The following SP1 variants were observed in gnomAD, a reference collection of about 807,000 sequenced individuals.
SP1 encodes the protein Sp1 transcription factor.
Under a neutral mutation model 66.3 loss-of-function variants are expected in SP1, and 6 were observed. That is an observed-to-expected ratio of 0.09 (90% confidence interval 0.05 to 0.18). The LOEUF is 0.18. Among genes scored for constraint, SP1 ranks in the 10% least tolerant of loss-of-function variants. The probability of loss-of-function intolerance (pLI) is 1.00; values close to 1 mark genes in which losing one functional copy is unlikely to be tolerated. For missense variants in SP1, 848 were observed against 964.5 expected (o/e 0.88, Z 1.60); for synonymous variants, 417 against 360.8 (o/e 1.16, Z -1.77).
chr12:53,382,527 G>A lies in SP1; in HGVS notation c.580G>A (p.Ala194Thr), dbSNP rs773154337. The A allele has an allele frequency of 8.7e-6, 14 of 1,614,012 alleles. No homozygotes were observed. Among genetic ancestry groups the A allele is most frequent in the Non-Finnish European group, 1.2e-5 (14 of 1,180,010 alleles). Residue 194 changes from alanine to threonine, a missense_variant, in exon 3 of 6, where the codon GCC (alanine) becomes ACC (threonine). Physicochemically the swap from Ala to Thr is moderately conservative, Grantham distance 58. Coordinates refer to ENST00000327443, the MANE Select transcript of SP1 (RefSeq NM_138473.3). Reference protein sequence around the residue: ...GQQLQFAATGAQVQQDGSGQI... With the variant: ...GQQLQFAATGTQVQQDGSGQI... ...ACAGCTGCAGTTTGCTGCCACTGGGGCCCAAGTGCAGCAGGATGGTTCTGG... is the reference window on the plus strand; with the variant it reads ...ACAGCTGCAGTTTGCTGCCACTGGGACCCAAGTGCAGCAGGATGGTTCTGG...
chr12:53,399,144 A>C (rs1421132400), intron 3 of SP1, among the ~76,000 whole-genome samples: 2 of 152,208 alleles, frequency 1.3e-5, no homozygotes, highest in Non-Finnish European at 2.9e-5. Flanking sequence ...AATTACTAGA[A>C]TTAACTTAAC....
rs1355695083 is a variant in SP1 at position 53,396,120 on chromosome 12, C to CA, written c.1676-10454dup. The stretch of plus-strand genomic sequence containing the variant: ...GGGCGACAGAGTGAGACTCTTGTCT[C>CA]AAAAAAAAAAATTAGCCGGGTGTGG... On this transcript the variant is annotated intron_variant, in intron 3 of 5. Coordinates refer to ENST00000327443, the MANE Select transcript of SP1 (RefSeq NM_138473.3). 2.3e-4 allele frequency among the ~76,000 whole-genome samples: 32 copies of CA among 136,996 alleles called. 1 individual carries two copies. The highest frequency in any genetic ancestry group is 5.8e-4 in the Admixed American group (8 of 13,732). 89.9% of individuals were successfully genotyped at this position (136,996 alleles called of 152,430 possible).
chr12:53,407,767 G>A (rs1207163007), intron 4 of SP1, among the ~76,000 whole-genome samples: 1 of 151,746 alleles, frequency 6.6e-6, no homozygotes, highest in African/African-American at 2.4e-5. Context: ...CTCCCTAGTA[G>A]CTGGGACTAC....
intron 3 of SP1, among the ~76,000 whole-genome samples, chr12:53,394,751 ACTACAGGCG>A: frequency 6.6e-6 from 1 of 150,956 alleles, no homozygotes; most frequent in Non-Finnish European, 1.5e-5. Flanking sequence ...AGTAGCTGGG[ACTACAGGCG>A]CCTGCCACCA....
At chr12:53,410,663 G>A (rs530476202) in intron 5 of SP1, among the ~76,000 whole-genome samples, 151 of 151,946 alleles carry the variant, frequency 9.9e-4, no homozygotes, top group African/African-American at 3.3e-3. Context: ...CCGCCACCAC[G>A]CCCGGCTAAT....
intron 1 of SP1, chr12:53,381,250 C>G (rs1938090483): frequency 6.4e-6 from 1 of 156,340 alleles, no homozygotes; most frequent in African/African-American, 2.4e-5. Context: ...CCGCGCCTGG[C>G]CTCTCCATCT....
Position 53,380,951 on chromosome 12 carries a change from T to TTC in SP1, c.7+654_7+655insCT, listed in dbSNP as rs1358431671. ...ACACTTGGATTTTTGTTTGTCTTTT[T>TTC]TTTTTTTTTTTTTTTTGAGACGGAG... On this transcript the variant is annotated intron_variant, in intron 1 of 5. Coordinates refer to ENST00000327443, the MANE Select transcript of SP1 (RefSeq NM_138473.3). Among the ~76,000 whole-genome samples the TTC allele has an allele frequency of 1.0e-4, 14 of 139,816 alleles. 1 individual carries two copies. The highest frequency in any genetic ancestry group is 2.2e-4 in the African/African-American group (8 of 36,542). The allele number at this position is 139,816 out of a possible 152,430, so 91.7% of individuals were successfully genotyped here.
rs534612894 is a variant in SP1, at chr12:53,390,586, G to A, written c.1675+6964G>A. On this transcript the variant is annotated intron_variant, in intron 3 of 5. Coordinates refer to ENST00000327443, the MANE Select transcript of SP1 (RefSeq NM_138473.3). ...TAGTCCCAGCTAGTCAGGAGGATGA[G>A]GCAGGAGAATTGCTTGAACCCTGGA... 2.6e-5 allele frequency among the ~76,000 whole-genome samples: 4 copies of A among 152,246 alleles called. No homozygotes were observed. In the South Asian group the frequency reaches 8.3e-4, roughly 32 times the overall value.
intron 3 of SP1, among the ~76,000 whole-genome samples, chr12:53,401,551 G>T (rs904862767): frequency 6.6e-6 from 1 of 151,176 alleles, no homozygotes; most frequent in African/African-American, 2.4e-5. Flanking sequence ...GATGTAAACT[G>T]CAGAGTCAAG....
In SP1 at chr12:53,381,710, G is replaced by A. The variant is rs536053144; in HGVS notation, c.59G>A (p.Gly20Glu). 2.7e-5 allele frequency: 43 copies of A among 1,613,954 alleles called. No homozygotes were observed. The highest frequency in any genetic ancestry group is 3.6e-5 in the Non-Finnish European group (43 of 1,179,980). ...ACAGCTGTGGTGAAAATTGAAAAAG[G>A]AGTTGGTGGCAATAATGGGGGCAAT... is the stretch of plus-strand genomic sequence containing the variant. ...EMTAVVKIEK[G>E]VGGNNGGNGN... Residue 20 changes from glycine to glutamate, a missense_variant, in exon 2 of 6, where the codon GGA (glycine) becomes GAA (glutamate). By Grantham distance (98) the Gly-to-Glu change is moderately conservative. Coordinates refer to ENST00000327443, the MANE Select transcript of SP1 (RefSeq NM_138473.3).
intron 3 of SP1, among the ~76,000 whole-genome samples, chr12:53,394,743 T>C (rs1938443279): frequency 6.6e-6 from 1 of 150,862 alleles, no homozygotes; most frequent in African/African-American, 2.4e-5. Context: ...GCCTCCCGAG[T>C]AGCTGGGACT....
chr12:53,409,354 A>G lies in SP1; in HGVS notation c.1845-8A>G, dbSNP rs1334081768. 2.5e-6 allele frequency: 4 copies of G among 1,611,988 alleles called. No homozygotes were observed. In the South Asian group the frequency reaches 4.4e-5, roughly 18 times the overall value. On this transcript the variant is annotated splice_polypyrimidine_tract_variant and splice_region_variant and intron_variant, in intron 4 of 5. Transcript: ENST00000327443. ...ATGAATGATTAACAGTTGTGTCCTC[A>G]CTTTCAGGGGCTCGGGGGATCCTGG...
chr12:53,406,803 T>C, intron 4 of SP1, 50 bp downstream of exon 4: 1 of 1,498,648 alleles, frequency 6.7e-7, no homozygotes, highest in Non-Finnish European at 9.1e-7. Context: ...AATTAATAGA[T>C]TTGGAGATAA....
chr12:53,406,312 GC>G (rs1268017969), intron 3 of SP1, among the ~76,000 whole-genome samples: 1 of 151,780 alleles, frequency 6.6e-6, no homozygotes, highest in African/African-American at 2.4e-5. Context: ...CAGGTGATCC[GC>G]CCACCTCGGC....
chr12:53,382,794 G>T lies in SP1; in HGVS notation c.847G>T (p.Ala283Ser). 1.2e-6 allele frequency: 2 copies of T among 1,614,134 alleles called. No homozygotes were observed. Among genetic ancestry groups the T allele is most frequent in the Non-Finnish European group, 1.7e-6 (2 of 1,180,010 alleles). Residue 283 changes from alanine (A) to serine (S), a missense_variant, in exon 3 of 6, where the codon GCA becomes TCA. Around this residue, in one of 7 missense-constraint regions of SP1, gnomAD observed 606 missense variants for 589.9 expected, o/e 1.03. Coordinates refer to ENST00000327443, the MANE Select transcript of SP1 (RefSeq NM_138473.3). ...SAATLTPSSQ[A>S]VTISSSGSQE... ...AGCTACCTTGACTCCCAGCTCTCAG[G>T]CAGTCACGATCAGCAGCTCTGGGTC... is the stretch of plus-strand genomic sequence containing the variant.
Position 53,382,969 on chromosome 12 carries a change from T to C in SP1, c.1022T>C (p.Phe341Ser). 1 of 1,614,102 alleles carries C rather than the reference T, an allele frequency of 6.2e-7. No homozygotes were observed. The highest frequency in any genetic ancestry group is 8.5e-7 in the Non-Finnish European group (1 of 1,180,022). The change falls in exon 3 of 6, where the codon TTT (phenylalanine) becomes TCT (serine). Residue 341 changes from phenylalanine (F) to serine (S), a missense_variant. Physicochemically the swap from Phe to Ser is radical, Grantham distance 155 (BLOSUM62 -2). Coordinates refer to ENST00000327443, the MANE Select transcript of SP1 (RefSeq NM_138473.3). ...ACCAGCAACATGGGAATTATGAACT[T>C]TACTACCAGTGGATCATCAGGGACC... ...TTTSNMGIMN[F>S]TTSGSSGTNS... is the part of the protein sequence containing the mutation.
intron 3 of SP1, among the ~76,000 whole-genome samples, chr12:53,394,625 T>C (rs1938439173): frequency 7.3e-6 from 1 of 137,634 alleles, no homozygotes; most frequent in Non-Finnish European, 1.6e-5. Flanking sequence ...TTTTTTTTTT[T>C]TTTTTTTGAG....
intron 3 of SP1, among the ~76,000 whole-genome samples, chr12:53,384,271 C>T (rs1565808119): frequency 2.0e-5 from 3 of 147,200 alleles, no homozygotes; most frequent in Non-Finnish European, 4.5e-5. Context: ...GCCCGGCTTT[C>T]TTTTCTTTTT....
Position 53,414,605 on chromosome 12 carries a change from A to G in SP1, c.*3365A>G, listed in dbSNP as rs1185920315. On this transcript the variant is annotated 3_prime_UTR_variant, in exon 6 of 6. Coordinates refer to ENST00000327443, the MANE Select transcript of SP1 (RefSeq NM_138473.3). ...TATATTTTTTGCTTTTGTATATCCT[A>G]TATAGGAAACTAAGCATTGTATTTT... is the stretch of plus-strand genomic sequence containing the variant. 2.0e-5 allele frequency: 3 copies of G among 152,636 alleles called. No homozygotes were observed. Among genetic ancestry groups the G allele is most frequent in the African/African-American group, 7.2e-5 (3 of 41,438 alleles). 9.5% of individuals were successfully genotyped at this position (152,636 alleles called of 1,614,324 possible).
Sources: allele counts gnomAD v4.1 joint callset (sites outside exome capture counted in the v4.1 genomes callset), GRCh38; gene constraint gnomAD v4.1.1; regional missense constraint gnomAD v4.1.1; transcripts MANE v1.5; gene names NCBI Gene and HGNC (gene_info 2026-07-23, HGNC 2026-07-21).